The following ACO2 variants were observed in gnomAD, a reference collection of about 807,000 sequenced individuals.
The protein encoded by ACO2 is aconitase 2.
In ACO2, 31 loss-of-function variants were observed where a neutral mutation model predicts 84.5. The ratio of observed to expected loss-of-function variants is 0.37; its 90% CI spans 0.28 to 0.50. ACO2 has a LOEUF of 0.50. Among genes scored for constraint, ACO2 ranks in the 20% least tolerant of loss-of-function variants. ACO2 has a pLI of 0.97. For missense variants in ACO2, 685 were observed against 1,029.3 expected (o/e 0.67, Z 4.58); for synonymous variants, 414 against 412.7 (o/e 1.00, Z -0.04).
Position 41,527,379 on chromosome 22 carries a change from G to A in ACO2, c.2045G>A (p.Gly682Glu). Residue 682 changes from glycine to glutamate, a missense_variant, in exon 16 of 18, where the codon GGG becomes GAG. Around this residue, in one of 5 missense-constraint regions of ACO2, gnomAD observed 174 missense variants for 236.6 expected, o/e 0.74. Coordinates refer to ENST00000216254, the MANE Select transcript of ACO2 (RefSeq NM_001098.3). ...GCAGCTCTGGAGCCTCGCCACCTTG[G>A]GGGCCGGGCCATCATCACCAAGAGC... is the stretch of plus-strand genomic sequence containing the variant. Reference protein sequence around the residue: ...EHAALEPRHLGGRAIITKSFA... With the variant: ...EHAALEPRHLEGRAIITKSFA... 1.2e-6 allele frequency: 2 copies of A among 1,613,748 alleles called. No homozygotes were observed. Among genetic ancestry groups the A allele is most frequent in the Non-Finnish European group, 1.7e-6 (2 of 1,179,982 alleles).
intron 9 of ACO2, among the ~76,000 whole-genome samples, chr22:41,520,756 C>T (rs896244475): frequency 3.3e-5 from 5 of 151,616 alleles, no homozygotes; most frequent in African/African-American, 7.3e-5. Flanking sequence ...GCAGGAGAAT[C>T]GCTTGAACCC....
At chr22:41,487,768 C>T (rs1472558979) in intron 1 of ACO2, among the ~76,000 whole-genome samples, 1 of 152,052 alleles carries the variant, frequency 6.6e-6, no homozygotes, top group African/African-American at 2.4e-5. Flanking sequence ...TTGGCCTCTC[C>T]ACTTGGGTAT....
intron 1 of ACO2, among the ~76,000 whole-genome samples, chr22:41,477,924 G>C (rs1026932358): frequency 6.6e-6 from 1 of 152,052 alleles, no homozygotes; most frequent in Admixed American, 6.5e-5. Context: ...TATGAGCCGG[G>C]CATGGTGGTG....
chr22:41,476,696 C>T (rs184971162), intron 1 of ACO2, among the ~76,000 whole-genome samples: 12 of 151,982 alleles, frequency 7.9e-5, no homozygotes, highest in East Asian at 5.8e-4. Context: ...GGCAACAGAG[C>T]GAGACTCTGT....
Position 41,515,637 on chromosome 22 carries a change from G to A in ACO2, c.684+102G>A. 1 of 1,581,426 alleles carries A rather than the reference G, an allele frequency of 6.3e-7. No individual in the cohort carries two copies. Among genetic ancestry groups the A allele is most frequent in the Non-Finnish European group, 8.6e-7 (1 of 1,161,540 alleles). On this transcript the variant is annotated intron_variant, in intron 5 of 17. Transcript: ENST00000216254. The surrounding 1 kb of genome is among the most constrained non-coding windows in gnomAD (Gnocchi z 5.8). ...CCAGGAGGGAAAAGGGAACAAGTTAGACTCGAATCTTCTGGGAGGGAGGTA... is the reference window on the plus strand; with the variant it reads ...CCAGGAGGGAAAAGGGAACAAGTTAAACTCGAATCTTCTGGGAGGGAGGTA...
chr22:41,515,496 T>C lies in ACO2; in HGVS notation c.645T>C (p.Asp215=), dbSNP rs1295394843. 1 of 1,613,534 alleles carries C rather than the reference T, an allele frequency of 6.2e-7. No homozygotes were observed. The highest frequency in any genetic ancestry group is 2.2e-5 in the East Asian group (1 of 44,872). ...GAGTTGGGGGTGCCGATGCTGTGGATGTCATGGCTGGGATCCCCTGGGAGC... is the reference window on the plus strand; with the variant it reads ...GAGTTGGGGGTGCCGATGCTGTGGACGTCATGGCTGGGATCCCCTGGGAGC... The part of the protein sequence containing the change: ...CIGVGGADAV[D]VMAGIPWELK... The change falls in exon 5 of 18, where the codon GAT becomes GAC. Residue 215 remains aspartate (D), a synonymous_variant. Coordinates refer to ENST00000216254, the MANE Select transcript of ACO2 (RefSeq NM_001098.3). The surrounding 1 kb of genome is among the most constrained non-coding windows in gnomAD (Gnocchi z 5.8).
chr22:41,526,553 G>A (rs1478751028), intron 15 of ACO2, 100 bp downstream of exon 15: 6 of 1,365,984 alleles, frequency 4.4e-6, no homozygotes, highest in East Asian at 2.4e-5. Context: ...CTGGGAAGGA[G>A]GCCGACCAAG....
At chr22:41,517,894 G>A (rs925299703) in intron 7 of ACO2, among the ~76,000 whole-genome samples, 6 of 152,230 alleles carry the variant, frequency 3.9e-5, no homozygotes, top group Non-Finnish European at 8.8e-5. Context: ...TCCCTGGAAG[G>A]TGGCTGAATG....
chr22:41,483,776 A>G (rs936577084), intron 1 of ACO2, among the ~76,000 whole-genome samples: 3 of 152,098 alleles, frequency 2.0e-5, no homozygotes, highest in Non-Finnish European at 4.4e-5. Context: ...AGGAGGCTGC[A>G]GTGGGAGGAT....
At chr22:41,521,124 C>CACA (rs1371719011) in intron 9 of ACO2, among the ~76,000 whole-genome samples, 1 of 151,112 alleles carries the variant, frequency 6.6e-6, no homozygotes, top group African/African-American at 2.4e-5. Flanking sequence ...AGAGAATATT[C>CACA]ACAATCAAGA....
chr22:41,485,414 T>C (rs1163657641), intron 1 of ACO2, among the ~76,000 whole-genome samples: 6 of 150,832 alleles, frequency 4.0e-5, no homozygotes, highest in Non-Finnish European at 7.4e-5. Context: ...GATTACAGCA[T>C]GCGCTACCAT....
chr22:41,528,892 T>C lies in ACO2; in HGVS notation c.*279T>C, dbSNP rs779988273. The C allele has an allele frequency of 1.5e-5, 8 of 526,876 alleles. No homozygotes were observed. The highest frequency in any genetic ancestry group is 2.3e-5 in the Non-Finnish European group (7 of 299,194). The allele number at this position is 526,876 out of a possible 1,614,324, so 32.6% of individuals were successfully genotyped here. A position where few individuals can be genotyped will look rare whatever the true frequency, so the allele number is the denominator to read the frequency against. ...TGACAAGACTCCCATCTAAAGTTTT[T>C]CTCCTGCCTGATCATTTCATTGGTG... On this transcript the variant is annotated 3_prime_UTR_variant, in exon 18 of 18. Coordinates refer to ENST00000216254, the MANE Select transcript of ACO2 (RefSeq NM_001098.3).
chr22:41,471,971 C>G (rs763861794), intron 1 of ACO2, among the ~76,000 whole-genome samples: 3 of 152,096 alleles, frequency 2.0e-5, no homozygotes, highest in African/African-American at 7.2e-5. Flanking sequence ...CCTTTAGATA[C>G]AATAATAATA....
At chr22:41,513,652 G>C (rs1322456748) in intron 4 of ACO2, among the ~76,000 whole-genome samples, 2 of 152,200 alleles carry the variant, frequency 1.3e-5, no homozygotes, top group African/African-American at 2.4e-5. Context: ...TGGATCATGT[G>C]CTCTGTGGGG....
At chr22:41,488,058 C>T (rs1048882173) in intron 1 of ACO2, among the ~76,000 whole-genome samples, 2 of 152,196 alleles carry the variant, frequency 1.3e-5, no homozygotes, top group Non-Finnish European at 2.9e-5. Context: ...TACTTTTGCG[C>T]TTGATTGCTC....
rs182810563 is a variant in ACO2, at chr22:41,492,411, C to T, written c.37-7315C>T. Among the ~76,000 whole-genome samples, 400 of 152,072 alleles carry T rather than the reference C, an allele frequency of 2.6e-3. 3 individuals carry two copies. Among genetic ancestry groups the T allele is most frequent in the African/African-American group, 9.1e-3 (377 of 41,486 alleles). On this transcript the variant is annotated intron_variant, in intron 1 of 17. Transcript: ENST00000216254. The stretch of plus-strand genomic sequence containing the variant: ...CTGCACTTTGGGAGGCCGAGGCAGG[C>T]GGATCACCTGAGGTCAGGAGTTTGA...
In ACO2 at chr22:41,515,262, A is replaced by G. The variant is rs1031037691; in HGVS notation, c.526-115A>G. 1.5e-5 allele frequency: 19 copies of G among 1,268,272 alleles called. No individual in the cohort carries two copies. Among genetic ancestry groups the G allele is most frequent in the Non-Finnish European group, 1.9e-5 (17 of 878,040 alleles). The allele number at this position is 1,268,272 out of a possible 1,614,324, so 78.6% of individuals were successfully genotyped here. A position where few individuals can be genotyped will look rare whatever the true frequency, so the allele number is the denominator to read the frequency against. ...TGGATTAAATGGGGCTGCTCCTACC[A>G]GTTCCATCCTGGGAGAGTGGCTGGA... On this transcript the variant is annotated intron_variant, in intron 4 of 17. Transcript: ENST00000216254. This position sits in a 1 kb window ranked among gnomAD's most constrained non-coding sequence, Gnocchi z 5.8.
chr22:41,511,474 T>C (rs1244813054), intron 3 of ACO2, among the ~76,000 whole-genome samples: 1 of 152,256 alleles, frequency 6.6e-6, no homozygotes, highest in African/African-American at 2.4e-5. Context: ...ACCCAGCCAC[T>C]GCGCCTAGGC....
intron 1 of ACO2, among the ~76,000 whole-genome samples, chr22:41,490,530 C>G (rs1274972815): frequency 6.6e-6 from 1 of 152,162 alleles, no homozygotes; most frequent in Non-Finnish European, 1.5e-5. Context: ...TTGGGTTGTT[C>G]TCTTAAAAAC....
Sources: allele counts gnomAD v4.1 joint callset (sites outside exome capture counted in the v4.1 genomes callset), GRCh38; gene constraint gnomAD v4.1.1; regional missense constraint gnomAD v4.1.1; non-coding constraint Gnocchi (gnomAD v3.1); transcripts MANE v1.5; gene names NCBI Gene and HGNC (gene_info 2026-07-23, HGNC 2026-07-21).